The following CPS1 variants were observed in gnomAD, a reference collection of about 807,000 sequenced individuals.
CPS1 encodes the protein carbamoyl-phosphate synthase 1.
CPS1 carries 109 observed loss-of-function variants against 174.6 expected under a neutral mutation model. The ratio of observed to expected loss-of-function variants is 0.62; its 90% CI spans 0.53 to 0.73. The LOEUF (loss-of-function observed/expected upper bound fraction) is 0.73. CPS1 is among the 30% of genes least tolerant of loss of function. The pLI, the probability that CPS1 is intolerant of heterozygous loss-of-function variation, is 0.00. For synonymous variants in CPS1, 637 were observed against 632.0 expected (o/e 1.01, Z -0.12); for missense variants, 1,689 against 1,821.9 (o/e 0.93, Z 1.33).
At chr2:210,655,263 G>A (rs1700669044) in intron 29 of CPS1, among the ~76,000 whole-genome samples, 1 of 152,188 alleles carries the variant, frequency 6.6e-6, no homozygotes, top group South Asian at 2.1e-4. Flanking sequence ...GAGAATGTAA[G>A]ACTGGCCTAG....
At chr2:210,646,802 G>A (rs1317380118) in intron 25 of CPS1, among the ~76,000 whole-genome samples, 1 of 152,060 alleles carries the variant, frequency 6.6e-6, no homozygotes. Flanking sequence ...ACAAGAAGGG[G>A]TGGGTGGTAC....
At chr2:210,524,663 ATAG>A (rs1559061663) in intron 1 of CPS1, among the ~76,000 whole-genome samples, 1 of 151,948 alleles carries the variant, frequency 6.6e-6, no homozygotes, top group Non-Finnish European at 1.5e-5. Flanking sequence ...ATTCATGGAT[ATAG>A]TAAACCATGC....
chr2:210,637,900 G>A (rs892625608), intron 22 of CPS1, 57 bp downstream of exon 22: 17 of 1,587,342 alleles, frequency 1.1e-5, no homozygotes, highest in Admixed American at 1.7e-5. Flanking sequence ...GTGGTAAAAC[G>A]TAGGCACCCA....
intron 1 of CPS1, among the ~76,000 whole-genome samples, chr2:210,480,782 C>T (rs1694547603): frequency 1.3e-5 from 2 of 152,130 alleles, no homozygotes; most frequent in Non-Finnish European, 2.9e-5. Flanking sequence ...TTCTTTTTAG[C>T]TCAAAGAAGT....
At chr2:210,507,331 A>G (rs1695315759) in intron 1 of CPS1, among the ~76,000 whole-genome samples, 1 of 152,204 alleles carries the variant, frequency 6.6e-6, no homozygotes, top group Non-Finnish European at 1.5e-5. Flanking sequence ...AAATGCTGAG[A>G]GATTTTCTCA....
chr2:210,505,309 C>G (rs903498014), intron 1 of CPS1, among the ~76,000 whole-genome samples: 2 of 151,242 alleles, frequency 1.3e-5, no homozygotes, highest in African/African-American at 4.8e-5. Context: ...TACTTTAGCA[C>G]CAACCTAATA....
chr2:210,482,169 C>T (rs1049793451), intron 1 of CPS1, among the ~76,000 whole-genome samples: 2 of 152,122 alleles, frequency 1.3e-5, no homozygotes, highest in African/African-American at 4.8e-5. Flanking sequence ...TGGGTAACTC[C>T]GAGTTCGGAA....
At position 210,567,982 on chromosome 2, in the gene CPS1, C is replaced by T. The variant is rs77897323; in HGVS notation, c.127-5316C>T. 4.4e-3 allele frequency among the ~76,000 whole-genome samples: 671 copies of T among 152,262 alleles called. 7 individuals carry two copies. Among genetic ancestry groups the T allele is most frequent in the African/African-American group, 0.015 (640 of 41,562 alleles). On this transcript the variant is annotated intron_variant, in intron 1 of 37. Transcript: ENST00000233072. Reference sequence around the variant, plus strand: ...AATGAAGTACATTTCTATGCATTCACCAACTGTGTAGTGAGAACATTACTG... The same window carrying T: ...AATGAAGTACATTTCTATGCATTCATCAACTGTGTAGTGAGAACATTACTG...
chr2:210,605,696 GGT>G (rs1698883517), intron 17 of CPS1, among the ~76,000 whole-genome samples: 1 of 151,842 alleles, frequency 6.6e-6, no homozygotes, highest in Non-Finnish European at 1.5e-5. Context: ...CTAAATTTGG[GGT>G]GTGAGCAGAG....
rs202136115 is a variant in CPS1, at chr2:210,605,284, C to T, written c.1981+38C>T. 26 of 1,608,380 alleles carry T rather than the reference C, an allele frequency of 1.6e-5. No individual in the cohort carries two copies. In the African/African-American group the frequency reaches 3.3e-4, roughly 21 times the overall value. On this transcript the variant is annotated intron_variant, in intron 17 of 37. Transcript: ENST00000233072. ...TCTTCAAGAACTATAGTAATGCTTT[C>T]AGTTCATGTCTTTGATGGCCAAGGC... is the stretch of plus-strand genomic sequence containing the variant.
chr2:210,514,533 T>C (rs566241148), intron 1 of CPS1, among the ~76,000 whole-genome samples: 2 of 152,038 alleles, frequency 1.3e-5, no homozygotes, highest in Admixed American at 6.6e-5. Flanking sequence ...TGATTTTATA[T>C]TGTGAAACTT....
rs1559103888 is a variant in CPS1, at chr2:210,608,384, C to T, written c.2216C>T (p.Ala739Val). Residue 739 changes from alanine to valine, a missense_variant, in exon 19 of 38, where the codon GCA becomes GTA. Physicochemically the swap from Ala to Val is moderately conservative, Grantham distance 64. Transcript: ENST00000233072. The part of the protein sequence containing the change: ...ATGYPLAFIA[A>V]KIALGIPLPE... ...AGCTACCCATTGGCATTCATTGCTG[C>T]AAAGATTGCCCTAGGAATCCCACTT... The T allele has an allele frequency of 6.2e-7, 1 of 1,612,050 alleles. No individual in the cohort carries two copies. The highest frequency in any genetic ancestry group is 8.5e-7 in the Non-Finnish European group (1 of 1,178,824).
Position 210,590,215 on chromosome 2 carries a change from T to A in CPS1, c.821T>A (p.Leu274Gln), listed in dbSNP as rs1698247301. The A allele has an allele frequency of 1.2e-6, 2 of 1,612,690 alleles. No homozygotes were observed. Among genetic ancestry groups the A allele is most frequent in the South Asian group, 2.2e-5 (2 of 91,060 alleles). The stretch of plus-strand genomic sequence containing the variant: ...GGGAACCCAGCTCTTGCAGAACCAC[T>A]AATTCAGAATGTCAGAAAGGTGCAA... ...GPGNPALAEP[L>Q]IQNVRKILES... Residue 274 changes from leucine to glutamine, a missense_variant, in exon 8 of 38, where the codon CTA becomes CAA. Leu to Gln is a moderately radical substitution (Grantham distance 113). Coordinates refer to ENST00000233072, the MANE Select transcript of CPS1 (RefSeq NM_001875.5).
Position 210,577,486 on chromosome 2 carries a change from A to G in CPS1, c.447A>G (p.Leu149=). The change falls in exon 4 of 38, where the codon TTA becomes TTG. Residue 149 remains leucine, a synonymous_variant. Transcript: ENST00000233072. ...DYNHWLATKS[L]GQWLQEEKVP... ...ACCACTGGCTGGCTACCAAGAGTTT[A>G]GGGCAATGGCTACAGGAAGAAAAGG... 1 of 1,613,800 alleles carries G rather than the reference A, an allele frequency of 6.2e-7. No individual in the cohort carries two copies. Among genetic ancestry groups the G allele is most frequent in the Non-Finnish European group, 8.5e-7 (1 of 1,179,774 alleles).
In CPS1 at chr2:210,588,095, T is replaced by C. The variant is rs763828318; in HGVS notation, c.659T>C (p.Val220Ala). 2 of 1,612,994 alleles carry C rather than the reference T, an allele frequency of 1.2e-6. No homozygotes were observed. Among genetic ancestry groups the C allele is most frequent in the Admixed American group, 3.3e-5 (2 of 59,914 alleles). The change falls in exon 7 of 38, where the codon GTG (valine) becomes GCG (alanine). Residue 220 changes from valine to alanine, a missense_variant. Coordinates refer to ENST00000233072, the MANE Select transcript of CPS1 (RefSeq NM_001875.5). Reference sequence around the variant, plus strand: ...TACGGCAAAGGAAACCCCACAAAAGTGGTAGCTGTAGACTGTGGGATTAAA... The same window carrying C: ...TACGGCAAAGGAAACCCCACAAAAGCGGTAGCTGTAGACTGTGGGATTAAA... ...KVYGKGNPTK[V>A]VAVDCGIKNN... is the part of the protein sequence containing the mutation.
intron 22 of CPS1, 101 bp from the exon 23 acceptor site, chr2:210,639,049 A>C: frequency 1.2e-6 from 1 of 840,164 alleles, no homozygotes; most frequent in Non-Finnish European, 2.0e-6. Flanking sequence ...CTTTACAGTA[A>C]TAGGAATTAA....
chr2:210,666,346 C>G (rs200710783), intron 33 of CPS1, among the ~76,000 whole-genome samples: 15,224 of 150,070 alleles, frequency 0.1, 803 homozygotes, highest in African/African-American at 0.11. Context: ...TCCCATTTGT[C>G]AATTTTGGCT....
intron 1 of CPS1, among the ~76,000 whole-genome samples, chr2:210,502,924 A>T (rs1383269559): frequency 1.3e-5 from 2 of 152,176 alleles, no homozygotes; most frequent in Non-Finnish European, 2.9e-5. Context: ...AGAGCTTTTT[A>T]AAAATCCCAA....
chr2:210,630,033 A>G (rs1342185541), intron 21 of CPS1, among the ~76,000 whole-genome samples: 1 of 151,774 alleles, frequency 6.6e-6, no homozygotes, highest in African/African-American at 2.4e-5. Context: ...AGATCCTGCC[A>G]CTGCACTCCA....
Sources: gnomAD v4.1 joint callset for allele counts (sites outside exome capture counted in the v4.1 genomes callset) on GRCh38, gnomAD v4.1.1 for gene constraint, MANE v1.5 for transcripts, NCBI Gene and HGNC (gene_info 2026-07-23, HGNC 2026-07-21) for gene names.